Variants in SLC39A4 observed in about 807,000 individuals in gnomAD.
SLC39A4 encodes the protein solute carrier family 39 member 4, also known as zinc transporter ZIP4.
SLC39A4 carries 49 observed loss-of-function variants against 56.6 expected under a neutral mutation model. That is an observed-to-expected ratio of 0.87 (90% CI 0.69 to 1.10). SLC39A4 has a LOEUF of 1.10. Ranked by LOEUF, SLC39A4 falls within the 50% of genes least tolerant of loss-of-function variation. The pLI, the probability that SLC39A4 is intolerant of heterozygous loss-of-function variation, is 0.00. For missense variants in SLC39A4, 993 were observed against 864.2 expected (o/e 1.15, Z -1.87); for synonymous variants, 540 against 420.4 (o/e 1.28, Z -3.48).
chr8:144,412,828 G>A lies in SLC39A4; in HGVS notation c.1746C>T (p.Ser582=). Residue 582 remains serine, a synonymous_variant, in exon 11 of 12, where the codon AGC becomes AGT. Transcript: ENST00000301305. ...GLYVALAVGV[S]EESEAWILAV... ...CCAGGATCCAGGCCTCGCTCTCCTCGCTGACTCCAACCGCGAGTGCCACGT... is the reference window on the plus strand; with the variant it reads ...CCAGGATCCAGGCCTCGCTCTCCTCACTGACTCCAACCGCGAGTGCCACGT... 2 of 1,612,902 alleles carry A rather than the reference G, an allele frequency of 1.2e-6. No homozygotes were observed. The highest frequency in any genetic ancestry group is 8.5e-7 in the Non-Finnish European group (1 of 1,179,910).
chr8:144,413,373 G>A lies in SLC39A4; in HGVS notation c.1491C>T (p.Pro497=), dbSNP rs1345154099. Residue 497 remains proline (P), a synonymous_variant, in exon 10 of 12, where the codon CCC becomes CCT. Transcript: ENST00000301305. Reference sequence around the variant, plus strand: ...CGGCGTCGCCCAGAGTGATCATATAGGGCAGTAGCCTCAACTCTGCGGGCG... The same window carrying A: ...CGGCGTCGCCCAGAGTGATCATATAAGGCAGTAGCCTCAACTCTGCGGGCG... The part of the protein sequence containing the change: ...RRLSPELRLL[P]YMITLGDAVH... The A allele has an allele frequency of 6.2e-7, 1 of 1,608,784 alleles. No individual in the cohort carries two copies. The highest frequency in any genetic ancestry group is 1.3e-5 in the African/African-American group (1 of 74,932).
intron 8 of SLC39A4, 60 bp downstream of exon 8, chr8:144,413,690 C>A: frequency 6.5e-7 from 1 of 1,534,834 alleles, no homozygotes. Flanking sequence ...GGAGTGTGGG[C>A]GTGGGAAGGG....
Position 144,414,850 on chromosome 8 carries a change from T to C in SLC39A4, c.851A>G (p.Glu284Gly), listed in dbSNP as rs782317250. ...RDVMAAYGLSEQAGVTPEAWA... is the reference protein window; with the variant it reads ...RDVMAAYGLSGQAGVTPEAWA... ...GGCCTCCGGGGTCACCCCAGCCTGTTCCGACAGTCCATATGCAGCCATCAC... is the reference window on the plus strand; with the variant it reads ...GGCCTCCGGGGTCACCCCAGCCTGTCCCGACAGTCCATATGCAGCCATCAC... The change falls in exon 5 of 12, where the codon GAA (glutamate) becomes GGA (glycine). Residue 284 changes from glutamate (E) to glycine (G), a missense_variant. Glu to Gly is a moderately conservative substitution (Grantham distance 98). Transcript: ENST00000301305. The C allele has an allele frequency of 2.5e-6, 4 of 1,613,128 alleles. No individual in the cohort carries two copies. The highest frequency in any genetic ancestry group is 2.7e-5 in the African/African-American group (2 of 74,862).
chr8:144,415,712 G>T, intron 2 of SLC39A4, 98 bp downstream of exon 2: 2 of 1,431,970 alleles, frequency 1.4e-6, no homozygotes, highest in Non-Finnish European at 9.2e-7. Flanking sequence ...GTCTCCCCAG[G>T]CCCCCAGGCT....
chr8:144,415,872 G>C lies in SLC39A4; in HGVS notation c.412C>G (p.Pro138Ala). 6.3e-7 allele frequency: 1 copy of C among 1,597,814 alleles called. No homozygotes were observed. The highest frequency in any genetic ancestry group is 8.5e-7 in the Non-Finnish European group (1 of 1,175,396). The change falls in exon 2 of 12, where the codon CCG becomes GCG. Residue 138 changes from proline (P) to alanine (A), a missense_variant. Physicochemically the swap from Pro to Ala is conservative, Grantham distance 27. Transcript: ENST00000301305. ...CTCTGCAGCAGCCAGCTCAGGCCCGGGGTCAGGGCCTTGGGGCTCTCGAGC... is the reference window on the plus strand; with the variant it reads ...CTCTGCAGCAGCCAGCTCAGGCCCGCGGTCAGGGCCTTGGGGCTCTCGAGC... ...ALLESPKALT[P>A]GLSWLLQRMQ...
rs781916195 is a variant in SLC39A4 at position 144,414,983 on chromosome 8, C to A, written c.795G>T (p.Val265=). Reference sequence around the variant, plus strand: ...CCAGGGCGCAGCTCACCGTGTCCCACACACTGGAGCTGTTGCTGGAGCTGA... The same window carrying A: ...CCAGGGCGCAGCTCACCGTGTCCCAAACACTGGAGCTGTTGCTGGAGCTGA... ...PLISSSNSSS[V]WDTVCLSARD... is the part of the protein sequence containing the mutation. Residue 265 remains valine (V), a synonymous_variant, in exon 4 of 12, where the codon GTG becomes GTT. Coordinates refer to ENST00000301305, the MANE Select transcript of SLC39A4 (RefSeq NM_130849.4). The A allele has an allele frequency of 1.2e-6, 2 of 1,612,688 alleles. No homozygotes were observed. Among genetic ancestry groups the A allele is most frequent in the Admixed American group, 3.3e-5 (2 of 60,026 alleles).
rs1404306999 is a variant in SLC39A4, at chr8:144,413,652, G to A, written c.1420-85C>T. 7 of 1,544,820 alleles carry A rather than the reference G, an allele frequency of 4.5e-6. No individual in the cohort carries two copies. The East Asian group carries it at 1.7e-4, about 38-fold the overall frequency. On this transcript the variant is annotated intron_variant, in intron 8 of 11. Coordinates refer to ENST00000301305, the MANE Select transcript of SLC39A4 (RefSeq NM_130849.4). ...GCGGGGCCCCAGATCACCGCGGGAG[G>A]CGGAGCCGCAGGCCTGGGGTGGGGC...
Position 144,416,459 on chromosome 8 carries a change from G to A in SLC39A4, c.192+139C>T, listed in dbSNP as rs545490424. 2.3e-5 allele frequency: 33 copies of A among 1,464,176 alleles called. No homozygotes were observed. The Admixed American group carries it at 3.3e-4, about 15-fold the overall frequency. The allele number at this position is 1,464,176 out of a possible 1,614,324, so 90.7% of individuals were successfully genotyped here. A position where few individuals can be genotyped will look rare whatever the true frequency, so the allele number is the denominator to read the frequency against. On this transcript the variant is annotated intron_variant, in intron 1 of 11. Transcript: ENST00000301305. The stretch of plus-strand genomic sequence containing the variant: ...CAGGAGGGTGGGCTCTGGCCTGTGG[G>A]GAGGGTCAGGGTGCCCAGGTACTGC...
Position 144,414,315 on chromosome 8 carries a change from TCAGGAAGGTCTG to T in SLC39A4, c.1084_1095del (p.Gln362_Leu365del). On this transcript the variant is annotated inframe_deletion, in exon 6 of 12. Transcript: ENST00000301305. Reference sequence around the variant, plus strand: ...CCAGTGACTGCACCCACTGCCAGGCTCAGGAAGGTCTGCAGGATGTAGTGGGTGACCCCCCTG... The same window carrying T: ...CCAGTGACTGCACCCACTGCCAGGCTCAGGATGTAGTGGGTGACCCCCCTG... The T allele has an allele frequency of 6.2e-7, 1 of 1,604,906 alleles. No homozygotes were observed. Among genetic ancestry groups the T allele is most frequent in the Non-Finnish European group, 8.5e-7 (1 of 1,177,148 alleles).
rs782526602 is a variant in SLC39A4, at chr8:144,415,016, C to T, written c.762G>A (p.Val254=). 7.4e-6 allele frequency: 12 copies of T among 1,611,886 alleles called. No individual in the cohort carries two copies. In the East Asian group the frequency reaches 2.7e-4, roughly 36 times the overall value. The change falls in exon 4 of 12, where the codon GTG becomes GTA. Residue 254 remains valine (V), a synonymous_variant. Transcript: ENST00000301305. ...AGCTGTTGCTGGAGCTGATGAGGGG[C>T]ACAGGGTCCCGGCTGCTGGCTCCCC... ...RHRGASSRDP[V]PLISSSNSSS...
intron 3 of SLC39A4, 31 bp downstream of exon 3, chr8:144,415,196 G>GC: frequency 2.5e-6 from 4 of 1,612,584 alleles, no homozygotes; most frequent in Non-Finnish European, 3.4e-6. Context: ...ACTCGGGGGT[G>GC]CCCCCCTCCA....
chr8:144,414,596 CCT>C (rs1304536318), intron 5 of SLC39A4, 127 bp downstream of exon 5: 20 of 1,502,218 alleles, frequency 1.3e-5, no homozygotes, highest in African/African-American at 4.2e-5. Flanking sequence ...GCCACCTTCC[CCT>C]GTGTCTGTTG....
rs374818250 is a variant in SLC39A4 at position 144,415,668 on chromosome 8, T to C, written c.474+142A>G. The C allele has an allele frequency of 1.2e-3, 1,570 of 1,298,860 alleles. 18 individuals are homozygous for C. The highest frequency in any genetic ancestry group is 6.2e-3 in the African/African-American group (414 of 67,140). The allele number at this position is 1,298,860 out of a possible 1,614,324, so 80.5% of individuals were successfully genotyped here. A position where few individuals can be genotyped will look rare whatever the true frequency, so the allele number is the denominator to read the frequency against. ...CAACTGCCCAGTAGTGAGCCCCACG[T>C]TGTGAATCCCCAGCCGCAGGCCGAC... On this transcript the variant is annotated intron_variant, in intron 2 of 11. Transcript: ENST00000301305.
At position 144,415,207 on chromosome 8, in the gene SLC39A4, C is replaced by T. The variant is rs1822118861; in HGVS notation, c.667+20G>A. The T allele has an allele frequency of 6.2e-7, 1 of 1,612,790 alleles. No homozygotes were observed. Among genetic ancestry groups the T allele is most frequent in the Non-Finnish European group, 8.5e-7 (1 of 1,179,828 alleles). On this transcript the variant is annotated intron_variant, in intron 3 of 11. Coordinates refer to ENST00000301305, the MANE Select transcript of SLC39A4 (RefSeq NM_130849.4). ...GGGGACTCGGGGGTGCCCCCCTCCACAGCCCAGCCCAGGCCTCACCGGCCA... is the reference window on the plus strand; with the variant it reads ...GGGGACTCGGGGGTGCCCCCCTCCATAGCCCAGCCCAGGCCTCACCGGCCA...
In SLC39A4 at chr8:144,414,075, G is replaced by C; in HGVS notation, c.1170C>G (p.His390Gln). The C allele has an allele frequency of 6.4e-7, 1 of 1,561,098 alleles. No homozygotes were observed. The highest frequency in any genetic ancestry group is 8.7e-7 in the Non-Finnish European group (1 of 1,152,856). ...LTPKVLGLHT[H>Q]SEEGLSPQPT... is the part of the protein sequence containing the mutation. The stretch of plus-strand genomic sequence containing the variant: ...GCTGTGGGCTGAGGCCCTCTTCGCT[G>C]TGTGTATGCAGCCCCAGCACCTGGG... The change falls in exon 7 of 12, where the codon CAC becomes CAG. Residue 390 changes from histidine to glutamine, a missense_variant. Coordinates refer to ENST00000301305, the MANE Select transcript of SLC39A4 (RefSeq NM_130849.4).
rs782178457 is a variant in SLC39A4, at chr8:144,412,835, C to G, written c.1739G>C (p.Gly580Ala). Reference sequence around the variant, plus strand: ...CCAGGCCTCGCTCTCCTCGCTGACTCCAACCGCGAGTGCCACGTAGAGACC... The same window carrying G: ...CCAGGCCTCGCTCTCCTCGCTGACTGCAACCGCGAGTGCCACGTAGAGACC... ...FAGLYVALAV[G>A]VSEESEAWIL... Residue 580 changes from glycine to alanine, a missense_variant, in exon 11 of 12, where the codon GGA (glycine) becomes GCA (alanine). Gly to Ala is a moderately conservative substitution (Grantham distance 60, BLOSUM62 0). Transcript: ENST00000301305. The G allele has an allele frequency of 6.8e-6, 11 of 1,612,800 alleles. No individual in the cohort carries two copies. The South Asian group carries it at 1.2e-4, about 18-fold the overall frequency.
intron 2 of SLC39A4, 92 bp from the exon 3 acceptor site, chr8:144,415,511 G>A: frequency 2.9e-6 from 4 of 1,403,492 alleles, no homozygotes; most frequent in South Asian, 1.4e-5. Flanking sequence ...CCCAACTACA[G>A]GATCTGCCCC....
At chr8:144,413,653 CG>C in intron 8 of SLC39A4, 86 bp from the exon 9 acceptor site, 1 of 1,544,340 alleles carries the variant, frequency 6.5e-7, no homozygotes. Context: ...CCGCGGGAGG[CG>C]GAGCCGCAGG....
Position 144,414,242 on chromosome 8 carries a change from GC to G in SLC39A4, c.1149+19del. The G allele has an allele frequency of 1.2e-6, 2 of 1,605,096 alleles. No homozygotes were observed. Among genetic ancestry groups the G allele is most frequent in the Non-Finnish European group, 8.5e-7 (1 of 1,177,448 alleles). On this transcript the variant is annotated intron_variant, in intron 6 of 11. Transcript: ENST00000301305. ...TGGTGGGGAACGGAGGGCCAGGGTCGCGGGTTTGTGGGGGCAGACCTTGGGC... is the reference window on the plus strand; with the variant it reads ...TGGTGGGGAACGGAGGGCCAGGGTCGGGGTTTGTGGGGGCAGACCTTGGGC...
Sources: allele counts gnomAD v4.1 joint callset, GRCh38; gene constraint gnomAD v4.1.1; transcripts MANE v1.5; gene names NCBI Gene and HGNC (gene_info 2026-07-23, HGNC 2026-07-21).